Variants in GRAMD1A observed in about 807,000 individuals in gnomAD.
GRAMD1A encodes the protein protein Aster-A.
A neutral mutation model predicts 92.0 loss-of-function variants in GRAMD1A; 50 were observed. The ratio of observed to expected loss-of-function variants is 0.54; its 90% CI spans 0.43 to 0.69. GRAMD1A has a LOEUF of 0.69. Ranked by LOEUF, GRAMD1A falls within the 30% of genes least tolerant of loss-of-function variation. The pLI is 0.00. For missense variants in GRAMD1A, 819 were observed against 978.9 expected, an observed-to-expected ratio of 0.84 and a Z score of 2.18; for synonymous variants, 405 against 403.6, an observed-to-expected ratio of 1.00 and a Z score of -0.04.
At chr19:35,015,333 A>G (rs1259317098) in intron 10 of GRAMD1A, 2 of 153,790 alleles carry the variant, frequency 1.3e-5, no homozygotes, top group Non-Finnish European at 2.9e-5. Context: ...TGGGGCAGAG[A>G]TGGCCTCAGC....
At chr19:35,024,066 G>A (rs73597457) in intron 19 of GRAMD1A, among the ~76,000 whole-genome samples, 3,760 of 152,310 alleles carry the variant, frequency 0.025, 158 homozygotes, top group African/African-American at 0.086. Context: ...AGGACCTGAG[G>A]TCTCATCTCC....
At chr19:34,996,942 T>C (rs910188679), upstream of GRAMD1A, among the ~76,000 whole-genome samples, 1 of 152,164 alleles carries the variant, frequency 6.6e-6, no homozygotes, top group Non-Finnish European at 1.5e-5. Context: ...GTTTTTTGTC[T>C]TTTTCTTTTT....
At chr19:35,012,722 C>A (rs1478094593) in intron 7 of GRAMD1A, among the ~76,000 whole-genome samples, 2 of 152,236 alleles carry the variant, frequency 1.3e-5, no homozygotes, top group African/African-American at 4.8e-5. Flanking sequence ...AATCCCAGCA[C>A]TTTGGTAGAC....
intron 13 of GRAMD1A, 59 bp downstream of exon 13, chr19:35,019,592 A>G: frequency 6.5e-7 from 1 of 1,530,922 alleles, no homozygotes; most frequent in Non-Finnish European, 9.0e-7. Context: ...CCTCCTGTCC[A>G]CTCCTCAAGT....
chr19:35,021,402 C>G lies in GRAMD1A; in HGVS notation c.1476-100C>G. 1.2e-6 allele frequency: 1 copy of G among 838,780 alleles called. No homozygotes were observed. Among genetic ancestry groups the G allele is most frequent in the South Asian group, 1.4e-5 (1 of 70,928 alleles). 52.0% of individuals were successfully genotyped at this position (838,780 alleles called of 1,614,324 possible). A position where few individuals can be genotyped will look rare whatever the true frequency, so the allele number is the denominator to read the frequency against. ...GTTTTGTCTGTGAGTGACAAGGGGCCCTCTCTGAATTAGGGGAAGGAAAAA... is the reference window on the plus strand; with the variant it reads ...GTTTTGTCTGTGAGTGACAAGGGGCGCTCTCTGAATTAGGGGAAGGAAAAA... On this transcript the variant is annotated intron_variant, in intron 13 of 19. Transcript: ENST00000317991. This position sits in a 1 kb window ranked among gnomAD's most constrained non-coding sequence, Gnocchi z 5.3.
chr19:34,997,365 C>T (rs1358480383), upstream of GRAMD1A, among the ~76,000 whole-genome samples: 1 of 128,326 alleles, frequency 7.8e-6, no homozygotes, highest in East Asian at 2.2e-4. Flanking sequence ...GTATTTCCTG[C>T]TGTAGATCAC....
Position 35,019,552 on chromosome 19 carries a change from C to T in GRAMD1A, c.1475+19C>T, listed in dbSNP as rs1207893446. ...GGCTCCGGTGAGTGGTGGCTGGGCC[C>T]CTCCACCCGATGCCCTGGTGGCCCC... is the stretch of plus-strand genomic sequence containing the variant. On this transcript the variant is annotated intron_variant, in intron 13 of 19. Transcript: ENST00000317991. 12 of 1,612,398 alleles carry T rather than the reference C, an allele frequency of 7.4e-6. No individual in the cohort carries two copies. Among genetic ancestry groups the T allele is most frequent in the Admixed American group, 1.7e-5 (1 of 59,996 alleles).
chr19:35,016,405 A>T (rs1399090382), intron 11 of GRAMD1A, among the ~76,000 whole-genome samples: 2 of 147,116 alleles, frequency 1.4e-5, no homozygotes, highest in East Asian at 2.1e-4. Context: ...GAGACCAGCC[A>T]GGGCAACATG....
At position 35,011,567 on chromosome 19, in the gene GRAMD1A, G is replaced by A. The variant is rs977192212; in HGVS notation, c.606+13G>A. The stretch of plus-strand genomic sequence containing the variant: ...ACTGCTTGAAAAGGTGGGCCTGGGT[G>A]AGGCCCGGGTGGGGATGGGGGGTTT... On this transcript the variant is annotated intron_variant, in intron 7 of 19. Coordinates refer to ENST00000317991, the MANE Select transcript of GRAMD1A (RefSeq NM_020895.5). 6.3e-7 allele frequency: 1 copy of A among 1,587,726 alleles called. No individual in the cohort carries two copies. Among genetic ancestry groups the A allele is most frequent in the African/African-American group, 1.3e-5 (1 of 74,462 alleles).
intron 7 of GRAMD1A, among the ~76,000 whole-genome samples, chr19:35,012,395 G>A (rs565417237): frequency 6.6e-6 from 1 of 152,258 alleles, no homozygotes. Context: ...AAAGTGGTTA[G>A]AAGAATGCAC....
chr19:34,996,233 A>AC, upstream of GRAMD1A: 1 of 1,535,014 alleles, frequency 6.5e-7, no homozygotes, highest in Non-Finnish European at 8.7e-7. Context: ...CTGCACCCCA[A>AC]CCCCCCGACG....
chr19:35,008,245 C>G lies in GRAMD1A; in HGVS notation c.9-874C>G, dbSNP rs371452649. Among the ~76,000 whole-genome samples, 4 of 152,134 alleles carry G rather than the reference C, an allele frequency of 2.6e-5. No homozygotes were observed. In the East Asian group the frequency reaches 7.7e-4, roughly 29 times the overall value. ...TCAGGAGGTTGAAGCAGGAGAATCT[C>G]TTGAACCCAGGAGGCGAAGGTTACA... is the stretch of plus-strand genomic sequence containing the variant. On this transcript the variant is annotated intron_variant, in intron 1 of 19. Coordinates refer to ENST00000317991, the MANE Select transcript of GRAMD1A (RefSeq NM_020895.5).
At chr19:35,016,282 C>T (rs749122749) in intron 11 of GRAMD1A, among the ~76,000 whole-genome samples, 74 of 151,468 alleles carry the variant, frequency 4.9e-4, no homozygotes, top group Non-Finnish European at 8.2e-4. Flanking sequence ...ATATAGTAAG[C>T]GTTTAATAAA....
At chr19:35,014,428 C>A in intron 10 of GRAMD1A, 41 bp downstream of exon 10, 2 of 1,551,212 alleles carry the variant, frequency 1.3e-6, no homozygotes, top group Non-Finnish European at 8.9e-7. Context: ...CCGGTACTTG[C>A]AAGCCTCGCT....
chr19:35,021,119 G>A lies in GRAMD1A; in HGVS notation c.1476-383G>A, dbSNP rs905620976. Among the ~76,000 whole-genome samples the A allele has an allele frequency of 8.5e-5, 13 of 152,238 alleles. No homozygotes were observed. Among genetic ancestry groups the A allele is most frequent in the Non-Finnish European group, 1.6e-4 (11 of 68,040 alleles). ...GAATGGGTTTGGGGAAAGACCAGGA[G>A]GTCAGTTTGGGACTCAGCTGTCTAT... On this transcript the variant is annotated intron_variant, in intron 13 of 19. Transcript: ENST00000317991. The surrounding 1 kb of genome is among the most constrained non-coding windows in gnomAD (Gnocchi z 5.3).
chr19:35,015,702 C>A, intron 10 of GRAMD1A, 122 bp from the exon 11 acceptor site: 2 of 876,356 alleles, frequency 2.3e-6, no homozygotes, highest in Non-Finnish European at 3.4e-6. Context: ...CAGTGTCCAG[C>A]TGTGCTCCAG....
chr19:35,012,836 G>A (rs1275723096), intron 7 of GRAMD1A, among the ~76,000 whole-genome samples: 6 of 152,312 alleles, frequency 3.9e-5, no homozygotes, highest in Non-Finnish European at 5.9e-5. Context: ...TTAGCTGGGC[G>A]TGGTAGCACG....
rs745402036 is a variant in GRAMD1A at position 35,021,577 on chromosome 19, C to T, written c.1551C>T (p.Ser517=). Residue 517 remains serine, a synonymous_variant, in exon 14 of 20, where the codon AGC becomes AGT. Coordinates refer to ENST00000317991, the MANE Select transcript of GRAMD1A (RefSeq NM_020895.5). This position sits in a 1 kb window ranked among gnomAD's most constrained non-coding sequence, Gnocchi z 5.3. ...CGCTCATTGAGAAGAACTCGTGGAG[C>T]GGCATTGAAGACTATTTCCACCATC... ...VKSLIEKNSW[S]GIEDYFHHLE... The T allele has an allele frequency of 1.1e-5, 17 of 1,613,908 alleles. No individual in the cohort carries two copies. Among genetic ancestry groups the T allele is most frequent in the South Asian group, 5.5e-5 (5 of 91,080 alleles).
intron 19 of GRAMD1A, 30 bp from the exon 20 acceptor site, chr19:35,026,019 C>T: frequency 4.1e-6 from 5 of 1,205,992 alleles, no homozygotes; most frequent in African/African-American, 1.5e-5. Context: ...CCAGCGTTCA[C>T]CCCCGACCCT....
Sources: gnomAD v4.1 joint callset for allele counts (sites outside exome capture counted in the v4.1 genomes callset) on GRCh38, gnomAD v4.1.1 for gene constraint, Gnocchi (gnomAD v3.1) non-coding constraint, MANE v1.5 for transcripts, NCBI Gene and HGNC (gene_info 2026-07-23, HGNC 2026-07-21) for gene names.